The following TAF1B variants were observed in gnomAD, a reference collection of about 807,000 sequenced individuals.
The protein encoded by TAF1B is TATA-box binding protein associated factor, RNA polymerase I subunit B.
A neutral mutation model predicts 83.9 loss-of-function variants in TAF1B; 61 were observed. The ratio of observed to expected loss-of-function variants is 0.73; its 90% confidence interval spans 0.59 to 0.90. The LOEUF (loss-of-function observed/expected upper bound fraction) is 0.90, where lower values mean the gene tolerates loss of function less well. Ranked by LOEUF, TAF1B falls within the 40% of genes least tolerant of loss-of-function variation. The pLI is 0.00. For missense variants in TAF1B, 625 were observed against 677.0 expected (o/e 0.92, Z 0.85); for synonymous variants, 221 against 224.6 (o/e 0.98, Z 0.14).
At chr2:9,848,623 A>G (rs1310229406) in intron 2 of TAF1B, among the ~76,000 whole-genome samples, 3 of 151,820 alleles carry the variant, frequency 2.0e-5, no homozygotes, top group African/African-American at 7.3e-5. Context: ...CAGAGATCGC[A>G]CCATTGCACT....
chr2:9,860,658 A>T (rs969663821), intron 5 of TAF1B, among the ~76,000 whole-genome samples: 1 of 152,202 alleles, frequency 6.6e-6, no homozygotes, highest in Admixed American at 6.5e-5. Context: ...CTTGGGAACA[A>T]TGTGAAGTAA....
intron 8 of TAF1B, among the ~76,000 whole-genome samples, chr2:9,892,348 A>G (rs780771614): frequency 2.6e-5 from 4 of 152,212 alleles, no homozygotes; most frequent in Non-Finnish European, 4.4e-5. Flanking sequence ...CTCAGAAAGT[A>G]TCTCTGTCAT....
rs552557658 is a variant in TAF1B, at chr2:9,855,592, G to A, written c.399+1171G>A. Among the ~76,000 whole-genome samples the A allele has an allele frequency of 2.6e-5, 4 of 152,254 alleles. No homozygotes were observed. The South Asian group carries it at 8.3e-4, about 32-fold the overall frequency. On this transcript the variant is annotated intron_variant, in intron 5 of 14. Transcript: ENST00000263663. Reference sequence around the variant, plus strand: ...CCAGCTACTTGGGAGGCTGAGGTGGGAGGATTGCTTGAGCTTAGGAGGTTG... The same window carrying A: ...CCAGCTACTTGGGAGGCTGAGGTGGAAGGATTGCTTGAGCTTAGGAGGTTG...
Position 9,868,263 on chromosome 2 carries a change from G to T in TAF1B, c.400-13G>T, listed in dbSNP as rs188679038. 268 of 1,529,982 alleles carry T rather than the reference G, an allele frequency of 1.8e-4. No individual in the cohort carries two copies. In the African/African-American group the frequency reaches 2.7e-3, roughly 15 times the overall value. 94.8% of individuals were successfully genotyped at this position (1,529,982 alleles called of 1,614,324 possible). A position where few individuals can be genotyped will look rare whatever the true frequency, so the allele number is the denominator to read the frequency against. ...GTTACACAATAATTTTATTTATATT[G>T]TTTTGCAAACAGGTATTAGAAGATA... On this transcript the variant is annotated splice_polypyrimidine_tract_variant and intron_variant, in intron 5 of 14. Coordinates refer to ENST00000263663, the MANE Select transcript of TAF1B (RefSeq NM_005680.3).
chr2:9,856,892 A>AT (rs1171214080), intron 5 of TAF1B, among the ~76,000 whole-genome samples: 1 of 152,230 alleles, frequency 6.6e-6, no homozygotes, highest in East Asian at 1.9e-4. Context: ...ATTACTTTTA[A>AT]TTAGAAGCAT....
intron 11 of TAF1B, 104 bp downstream of exon 11, chr2:9,911,661 T>C: frequency 1.5e-6 from 1 of 677,750 alleles, no homozygotes; most frequent in South Asian, 2.5e-5. Flanking sequence ...CATATACACA[T>C]AAACACATGT....
At chr2:9,901,960 A>C (rs1665189406) in intron 8 of TAF1B, among the ~76,000 whole-genome samples, 1 of 152,176 alleles carries the variant, frequency 6.6e-6, no homozygotes, top group Non-Finnish European at 1.5e-5. Flanking sequence ...TTCTTCAGCT[A>C]CAGATCAATC....
rs746545844 is a variant in TAF1B at position 9,843,525 on chromosome 2, G to A, written c.-17G>A. On this transcript the variant is annotated 5_prime_UTR_variant, in exon 1 of 15. Transcript: ENST00000263663. ...CGGGTAACGGGTCCCGGCTGTGGAA[G>A]CTCCCGCGGCGCCGCGATGGACCTC... 27 of 1,522,870 alleles carry A rather than the reference G, an allele frequency of 1.8e-5. No homozygotes were observed. In the South Asian group the frequency reaches 2.3e-4, roughly 13 times the overall value. 94.3% of individuals were successfully genotyped at this position (1,522,870 alleles called of 1,614,324 possible).
intron 1 of TAF1B, among the ~76,000 whole-genome samples, chr2:9,844,146 G>C (rs1230441883): frequency 1.3e-5 from 2 of 152,052 alleles, no homozygotes; most frequent in Non-Finnish European, 2.9e-5. Context: ...ACGTAAAATG[G>C]CACATTTTTG....
chr2:9,850,489 C>T (rs1663351498), intron 3 of TAF1B, among the ~76,000 whole-genome samples: 1 of 152,070 alleles, frequency 6.6e-6, no homozygotes, highest in South Asian at 2.1e-4. Context: ...GACTTATGGA[C>T]CCATCAAAAT....
At chr2:9,907,851 A>C (rs1220769455) in intron 9 of TAF1B, among the ~76,000 whole-genome samples, 1 of 151,914 alleles carries the variant, frequency 6.6e-6, no homozygotes, top group Non-Finnish European at 1.5e-5. Context: ...CAGCTGGTAG[A>C]TGGCAGAGTA....
At chr2:9,873,810 C>T (rs1238869412) in intron 6 of TAF1B, among the ~76,000 whole-genome samples, 1 of 151,858 alleles carries the variant, frequency 6.6e-6, no homozygotes, top group Non-Finnish European at 1.5e-5. Flanking sequence ...TTCTCACCAG[C>T]TGCAATGCTA....
At chr2:9,880,163 C>T (rs1664454850) in intron 7 of TAF1B, among the ~76,000 whole-genome samples, 1 of 152,098 alleles carries the variant, frequency 6.6e-6, no homozygotes, top group Non-Finnish European at 1.5e-5. Context: ...AATTCTAATG[C>T]AGTGGTTTTT....
intron 3 of TAF1B, 104 bp from the exon 4 acceptor site, chr2:9,851,437 G>GAAAAATTC: frequency 1.1e-6 from 1 of 889,802 alleles, no homozygotes; most frequent in Non-Finnish European, 1.7e-6. Flanking sequence ...GAAAAAAAAA[G>GAAAAATTC]AAAAATTCAA....
Position 9,910,887 on chromosome 2 carries a change from C to G in TAF1B, c.1107C>G (p.Leu369=). The change falls in exon 10 of 15, where the codon CTC becomes CTG. Residue 369 remains leucine (L), a synonymous_variant. Coordinates refer to ENST00000263663, the MANE Select transcript of TAF1B (RefSeq NM_005680.3). The part of the protein sequence containing the change: ...VAIIVVVLKL[L]FLLDDSFEWS... ...TCATTGTGGTGGTATTGAAACTGCT[C>G]TTTCTATTGGATGACAGTTTCGAGT... The G allele has an allele frequency of 6.2e-7, 1 of 1,611,284 alleles. No homozygotes were observed.
chr2:9,862,776 T>G (rs924153013), intron 5 of TAF1B, among the ~76,000 whole-genome samples: 5 of 152,102 alleles, frequency 3.3e-5, no homozygotes, highest in Admixed American at 3.3e-4. Flanking sequence ...CAGAAGAGAG[T>G]GGGGGCCAAT....
chr2:9,931,533 A>G (rs540275659), intron 14 of TAF1B, among the ~76,000 whole-genome samples: 4 of 152,256 alleles, frequency 2.6e-5, no homozygotes, highest in African/African-American at 7.2e-5. Flanking sequence ...CTGCCGAGAG[A>G]TCAGCTGTTA....
intron 14 of TAF1B, among the ~76,000 whole-genome samples, chr2:9,921,262 T>C (rs1043649324): frequency 7.2e-5 from 11 of 152,128 alleles, no homozygotes; most frequent in Non-Finnish European, 1.3e-4. Context: ...CAGCTAATTT[T>C]TTATTTTTTG....
At chr2:9,897,269 A>G (rs566191828) in intron 8 of TAF1B, among the ~76,000 whole-genome samples, 8 of 152,294 alleles carry the variant, frequency 5.3e-5, no homozygotes, top group Non-Finnish European at 1.2e-4. Context: ...GACTTAAAAT[A>G]GGGCTACTTC....
Sources: gnomAD v4.1 joint callset for allele counts (sites outside exome capture counted in the v4.1 genomes callset) on GRCh38, gnomAD v4.1.1 for gene constraint, MANE v1.5 for transcripts, NCBI Gene and HGNC (gene_info 2026-07-23, HGNC 2026-07-21) for gene names.